DMBT1: variants seen among roughly 807,000 people sequenced by gnomAD.
DMBT1 encodes scavenger receptor cysteine-rich domain-containing protein DMBT1.
A neutral mutation model predicts 252.9 loss-of-function variants in DMBT1; 198 were observed. That is an observed-to-expected ratio of 0.78 (90% CI 0.70 to 0.88). The LOEUF (loss-of-function observed/expected upper bound fraction) is 0.88. Ranked by LOEUF, DMBT1 falls within the 40% of genes least tolerant of loss-of-function variation. The pLI is 0.00. For synonymous variants in DMBT1, 990 were observed against 942.7 expected, an observed-to-expected ratio of 1.05 and a Z score of -0.92; for missense variants, 2,432 against 2,404.7, an observed-to-expected ratio of 1.01 and a Z score of -0.24.
intron 6 of DMBT1, among the ~76,000 whole-genome samples, chr10:122,574,123 G>T (rs2133535408): frequency 6.6e-6 from 1 of 152,312 alleles, no homozygotes; most frequent in South Asian, 2.1e-4. Flanking sequence ...AGGGTCAGGT[G>T]CCTACCTGCT....
chr10:122,597,840 G>T (rs1424604000), intron 24 of DMBT1, 134 bp from the exon 25 acceptor site: 2 of 1,344,674 alleles, frequency 1.5e-6, no homozygotes, highest in Non-Finnish European at 2.1e-6. Context: ...GACTTGGGCA[G>T]ACACATGGGG....
chr10:122,599,062 G>C lies in DMBT1; in HGVS notation c.3245G>C (p.Cys1082Ser). 3 of 1,613,824 alleles carry C rather than the reference G, an allele frequency of 1.9e-6. No individual in the cohort carries two copies. The highest frequency in any genetic ancestry group is 2.5e-6 in the Non-Finnish European group (3 of 1,179,758). The change falls in exon 26 of 56, where the codon TGT becomes TCT. Residue 1082 changes from cysteine to serine, a missense_variant. Cys to Ser is a moderately radical substitution (Grantham distance 112). Around this residue, in one of 3 missense-constraint regions of DMBT1, gnomAD observed 1,264 missense variants for 1,082.2 expected, o/e 1.17. Coordinates refer to ENST00000338354, the MANE Select transcript of DMBT1 (RefSeq NM_001377530.1). ...CPHNGWLSHN[C>S]GHSEDAGVIC... ...CACAATGGCTGGCTCTCCCACAACT[G>C]TGGCCATAGTGAAGACGCTGGTGTC...
chr10:122,600,039 T>A lies in DMBT1; in HGVS notation c.3281-25T>A. 11 of 1,608,186 alleles carry A rather than the reference T, an allele frequency of 6.8e-6. 1 individual carries two copies. The highest frequency in any genetic ancestry group is 9.3e-6 in the Non-Finnish European group (11 of 1,178,220). On this transcript the variant is annotated intron_variant, in intron 26 of 55. Transcript: ENST00000338354. ...CGACTTCTGTGTAATGTTCCTGATCTGACCTTCTCTTCTCTTTCTCACAGC... is the reference window on the plus strand; with the variant it reads ...CGACTTCTGTGTAATGTTCCTGATCAGACCTTCTCTTCTCTTTCTCACAGC...
chr10:122,591,552 TCTCTAC>T, intron 19 of DMBT1, 35 bp downstream of exon 19: 1 of 1,557,700 alleles, frequency 6.4e-7, no homozygotes, highest in Non-Finnish European at 8.8e-7. Flanking sequence ...TAGGGCTCAC[TCTCTAC>T]CTCTGGACAA....
chr10:122,593,408 G>C (rs565719282), intron 20 of DMBT1, among the ~76,000 whole-genome samples, 161 bp from the exon 21 acceptor site: 1 of 148,148 alleles, frequency 6.8e-6, no homozygotes, highest in Non-Finnish European at 1.5e-5. Context: ...CCCCTTACAC[G>C]GTGCATCTCT....
intron 1 of DMBT1, among the ~76,000 whole-genome samples, chr10:122,561,621 T>C (rs946509978): frequency 2.1e-5 from 3 of 145,260 alleles, no homozygotes; most frequent in Admixed American, 1.4e-4. Context: ...TTATCATCTT[T>C]TCTCTCCCCT....
chr10:122,636,592 A>G (rs764659230), intron 53 of DMBT1, among the ~76,000 whole-genome samples: 1 of 152,184 alleles, frequency 6.6e-6, no homozygotes, highest in African/African-American at 2.4e-5. Flanking sequence ...TTCTATCTGA[A>G]GATGGACTGA....
At chr10:122,561,755 C>T (rs1332723976) in intron 1 of DMBT1, among the ~76,000 whole-genome samples, 1 of 151,528 alleles carries the variant, frequency 6.6e-6, no homozygotes, top group Non-Finnish European at 1.5e-5. Flanking sequence ...TCTGCCTCTG[C>T]CTTTCTCTCC....
intron 45 of DMBT1, 68 bp from the exon 46 acceptor site, chr10:122,625,865 C>T (rs2098115164): frequency 2.2e-6 from 3 of 1,335,320 alleles, no homozygotes; most frequent in Non-Finnish European, 3.2e-6. Flanking sequence ...CTTTGTCAGT[C>T]AAACAAATTA....
chr10:122,574,649 A>G, intron 6 of DMBT1, among the ~76,000 whole-genome samples: 1 of 152,162 alleles, frequency 6.6e-6, no homozygotes. Context: ...CAAGATTCCC[A>G]CATTTTCTTA....
chr10:122,585,424 T>G, intron 15 of DMBT1, 115 bp downstream of exon 15: 1 of 1,304,614 alleles, frequency 7.7e-7, no homozygotes, highest in Non-Finnish European at 1.1e-6. Flanking sequence ...CATGTCCCTG[T>G]GGGTTGCATG....
In DMBT1 at chr10:122,599,013, G is replaced by C. The variant is rs762373579; in HGVS notation, c.3196G>C (p.Glu1066Gln). Residue 1066 changes from glutamate to glutamine, a missense_variant, in exon 26 of 56, where the codon GAG becomes CAG. This residue lies in a region of DMBT1 where 1,264 missense variants were observed against 1,082.2 expected (regional missense o/e 1.17). Transcript: ENST00000338354. ...GGATGATGTGCGCTGCTCAGGACAC[G>C]AGTCTTACCTGTGGAGCTGCCCCCA... ...VLDDVRCSGH[E>Q]SYLWSCPHNG... is the part of the protein sequence containing the mutation. The C allele has an allele frequency of 1.9e-6, 3 of 1,613,764 alleles. No homozygotes were observed. In the East Asian group the frequency reaches 6.7e-5, roughly 36 times the overall value.
chr10:122,591,395 G>A, intron 18 of DMBT1, 84 bp from the exon 19 acceptor site: 1 of 1,403,208 alleles, frequency 7.1e-7, no homozygotes, highest in South Asian at 1.2e-5. Context: ...TATTCATGAT[G>A]CTTGCCTTGT....
intron 2 of DMBT1, among the ~76,000 whole-genome samples, chr10:122,569,879 C>G (rs1463654624): frequency 6.6e-6 from 1 of 152,112 alleles, no homozygotes; most frequent in East Asian, 1.9e-4. Context: ...GATCTTGTGA[C>G]TAGGATGGGG....
intron 2 of DMBT1, 46 bp downstream of exon 2, chr10:122,566,042 TCTC>T (rs769464130): frequency 1.2e-6 from 2 of 1,601,162 alleles, no homozygotes; most frequent in Admixed American, 3.3e-5. Context: ...GTTGGCCAGT[TCTC>T]CTCTGCTACT....
At chr10:122,598,372 GT>G (rs2097904923) in intron 25 of DMBT1, among the ~76,000 whole-genome samples, 1 of 152,310 alleles carries the variant, frequency 6.6e-6, no homozygotes, top group Admixed American at 6.5e-5. Flanking sequence ...CCCCACACCT[GT>G]CTGGCCAAGG....
intron 7 of DMBT1, among the ~76,000 whole-genome samples, chr10:122,577,395 G>A (rs1252359979): frequency 4.6e-5 from 7 of 152,196 alleles, no homozygotes; most frequent in Non-Finnish European, 5.9e-5. Context: ...GTGGGCTCAC[G>A]AGTGAGCTCA....
chr10:122,629,187 T>C (rs1366391548), intron 46 of DMBT1, among the ~76,000 whole-genome samples: 1 of 152,238 alleles, frequency 6.6e-6, no homozygotes, highest in Admixed American at 6.5e-5. Flanking sequence ...CTTATGTTTA[T>C]GTATAAATGT....
intron 4 of DMBT1, among the ~76,000 whole-genome samples, chr10:122,571,169 T>A (rs1240461834): frequency 6.6e-6 from 1 of 152,228 alleles, no homozygotes; most frequent in Non-Finnish European, 1.5e-5. Context: ...TGCTTTGCTG[T>A]AAGTGATGTC....
Sources: gnomAD v4.1 joint callset for allele counts (sites outside exome capture counted in the v4.1 genomes callset) on GRCh38, gnomAD v4.1.1 for gene constraint, gnomAD v4.1.1 regional missense constraint, MANE v1.5 for transcripts, NCBI Gene and HGNC (gene_info 2026-07-23, HGNC 2026-07-21) for gene names.